AHI1: variants seen among roughly 807,000 people sequenced by gnomAD.
The protein encoded by AHI1 is jouberin.
Under a neutral mutation model 149.3 loss-of-function variants are expected in AHI1, and 123 were observed. The ratio of observed to expected loss-of-function variants is 0.82; its 90% CI spans 0.71 to 0.96. The LOEUF (loss-of-function observed/expected upper bound fraction) is 0.96, where lower values mean the gene tolerates loss of function less well. Ranked by LOEUF, AHI1 falls within the 40% of genes least tolerant of loss-of-function variation. AHI1 has a pLI of 0.00. For synonymous variants in AHI1, 475 were observed against 459.8 expected, an observed-to-expected ratio of 1.03 and a Z score of -0.42; for missense variants, 1,439 against 1,422.7, an observed-to-expected ratio of 1.01 and a Z score of -0.18.
At chr6:135,330,768 C>T (rs139094054) in intron 24 of AHI1, among the ~76,000 whole-genome samples, 79 of 152,278 alleles carry the variant, frequency 5.2e-4, no homozygotes, top group Admixed American at 9.8e-4. Context: ...GCGTGGCTCA[C>T]GGGAATCTGC....
rs750641916 is a variant in AHI1 at position 135,442,661 on chromosome 6, T to C, written c.1833A>G (p.Gly611=). The part of the protein sequence containing the change: ...HLFSLNAGER[G]CFCLDFSHNG... ...TGTGGGAGAAATCAAGACAAAAACA[T>C]CCTCGTTCTCCTGCATTTAGTGAGA... Residue 611 remains glycine (G), a synonymous_variant, in exon 14 of 29, where the codon GGA becomes GGG. Transcript: ENST00000265602. 6.2e-7 allele frequency: 1 copy of C among 1,611,306 alleles called. No individual in the cohort carries two copies. The highest frequency in any genetic ancestry group is 1.1e-5 in the South Asian group (1 of 90,612).
chr6:135,344,694 CTTTT>C (rs1330004470), intron 24 of AHI1, among the ~76,000 whole-genome samples: 3 of 129,138 alleles, frequency 2.3e-5, no homozygotes, highest in East Asian at 2.4e-4. Context: ...CCTTTTCTTT[CTTTT>C]TCTTTCTCTC....
intron 23 of AHI1, among the ~76,000 whole-genome samples, chr6:135,370,797 CT>C (rs922127790): frequency 6.6e-6 from 1 of 152,010 alleles, no homozygotes; most frequent in African/African-American, 2.4e-5. Context: ...TATATGGTTG[CT>C]TTTTAAAATT....
At chr6:135,292,870 G>C (rs1782538054) in intron 27 of AHI1, among the ~76,000 whole-genome samples, 1 of 152,114 alleles carries the variant, frequency 6.6e-6, no homozygotes, top group Non-Finnish European at 1.5e-5. Context: ...AAATTGAAGA[G>C]GTGGGAATAC....
At chr6:135,380,587 G>A (rs112045995) in intron 23 of AHI1, among the ~76,000 whole-genome samples, 1,729 of 152,288 alleles carry the variant, frequency 0.011, 36 homozygotes, top group African/African-American at 0.039. Context: ...AGTTTTACCA[G>A]TTTTGTTCAC....
rs1441024502 is a variant in AHI1, at chr6:135,290,492, G to A, written c.3519C>T (p.Asp1173=). The A allele has an allele frequency of 6.2e-7, 1 of 1,613,664 alleles. No homozygotes were observed. Residue 1173 remains aspartate (D), a synonymous_variant, in exon 28 of 29, where the codon GAC becomes GAT. Transcript: ENST00000265602. ...SEMRKEQSHE[D]QGHIMDTRMR... ...TCCGTGTATCCATTATGTGTCCTTG[G>A]TCCTCATGGCTCTGTTCTTTTCTCA...
chr6:135,481,789 C>T (rs1180971036), intron 5 of AHI1, among the ~76,000 whole-genome samples: 9 of 142,234 alleles, frequency 6.3e-5, no homozygotes, highest in South Asian at 2.3e-4. Context: ...GTTTTTATTT[C>T]GCCTTCATTT....
chr6:135,349,935 G>A (rs1198752956), intron 24 of AHI1, among the ~76,000 whole-genome samples: 28 of 152,106 alleles, frequency 1.8e-4, no homozygotes, highest in Admixed American at 1.8e-3. Flanking sequence ...TCTTTCTCCT[G>A]CCTCATTCAT....
intron 5 of AHI1, among the ~76,000 whole-genome samples, chr6:135,488,569 CAT>C (rs1242547833): frequency 6.6e-6 from 1 of 152,056 alleles, no homozygotes; most frequent in Non-Finnish European, 1.5e-5. Flanking sequence ...TAAAATTTCT[CAT>C]GTGCAAAAAA....
chr6:135,347,467 C>A (rs913633005), intron 24 of AHI1, among the ~76,000 whole-genome samples: 4 of 152,084 alleles, frequency 2.6e-5, no homozygotes, highest in African/African-American at 9.7e-5. Flanking sequence ...ATTTTTGGCT[C>A]ATTTATCATA....
At chr6:135,490,380 T>A in intron 5 of AHI1, 1 of 649,154 alleles carries the variant, frequency 1.5e-6, no homozygotes, top group Non-Finnish European at 2.7e-6. Context: ...CCCCACTATC[T>A]CTGGTCATTT....
chr6:135,485,526 T>C (rs931659024), intron 5 of AHI1, among the ~76,000 whole-genome samples: 2 of 152,264 alleles, frequency 1.3e-5, no homozygotes, highest in African/African-American at 4.8e-5. Context: ...AACTGGTATA[T>C]ATAAAGTGCA....
At position 135,442,608 on chromosome 6, in the gene AHI1, G is replaced by A; in HGVS notation, c.1886C>T (p.Ala629Val). ...HNGRILAAAC[A>V]SRDGYPIILY... ...AATAATTGGATATCCATCCCGGCTGGCACAAGCTGCTGCTAATATTCTTCC... is the reference window on the plus strand; with the variant it reads ...AATAATTGGATATCCATCCCGGCTGACACAAGCTGCTGCTAATATTCTTCC... Residue 629 changes from alanine to valine, a missense_variant, in exon 14 of 29, where the codon GCC becomes GTC. Ala to Val is a moderately conservative substitution (Grantham distance 64). Coordinates refer to ENST00000265602, the MANE Select transcript of AHI1 (RefSeq NM_001134831.2). 1 of 1,608,944 alleles carries A rather than the reference G, an allele frequency of 6.2e-7. No homozygotes were observed. The highest frequency in any genetic ancestry group is 8.5e-7 in the Non-Finnish European group (1 of 1,177,354).
chr6:135,358,680 G>C (rs1168917476), intron 23 of AHI1, among the ~76,000 whole-genome samples: 2 of 152,170 alleles, frequency 1.3e-5, no homozygotes, highest in Non-Finnish European at 2.9e-5. Context: ...ATCACCATGA[G>C]TATCTGAAGA....
At chr6:135,313,199 C>A (rs1583651912) in intron 26 of AHI1, among the ~76,000 whole-genome samples, 2 of 152,100 alleles carry the variant, frequency 1.3e-5, no homozygotes, top group African/African-American at 4.8e-5. Context: ...AAACATAGAT[C>A]ATTTGTTATA....
intron 3 of AHI1, chr6:135,493,084 C>T (rs145388291): frequency 0.016 from 8,788 of 544,332 alleles, 97 homozygotes; most frequent in Non-Finnish European, 0.018. Context: ...CTGCAACCTC[C>T]GCCTCCCAGG....
At chr6:135,304,354 G>A (rs1339765038) in intron 26 of AHI1, among the ~76,000 whole-genome samples, 1 of 152,152 alleles carries the variant, frequency 6.6e-6, no homozygotes, top group Non-Finnish European at 1.5e-5. Context: ...GGCCCGGCCT[G>A]ATTTCAGAAT....
At chr6:135,482,589 C>T (rs965712556) in intron 5 of AHI1, among the ~76,000 whole-genome samples, 3 of 151,644 alleles carry the variant, frequency 2.0e-5, no homozygotes, top group African/African-American at 7.3e-5. Flanking sequence ...ATTTTGAATA[C>T]TTTTATTTTT....
chr6:135,327,077 T>G (rs1485881321), intron 24 of AHI1, among the ~76,000 whole-genome samples: 2 of 152,208 alleles, frequency 1.3e-5, no homozygotes, highest in South Asian at 4.1e-4. Flanking sequence ...TATTTCATAC[T>G]TTTTAAAATG....
Sources: gnomAD v4.1 joint callset for allele counts (sites outside exome capture counted in the v4.1 genomes callset) on GRCh38, gnomAD v4.1.1 for gene constraint, MANE v1.5 for transcripts, NCBI Gene and HGNC (gene_info 2026-07-23, HGNC 2026-07-21) for gene names.